Variants in SEMA6D observed in about 807,000 individuals in gnomAD.
SEMA6D encodes semaphorin-6D.
In SEMA6D, 35 loss-of-function variants were observed where a neutral mutation model predicts 106.6. The ratio of observed to expected loss-of-function variants is 0.33; its 90% CI spans 0.25 to 0.44. The LOEUF (loss-of-function observed/expected upper bound fraction) is 0.44, where lower values mean the gene tolerates loss of function less well. Ranked by LOEUF, SEMA6D falls within the 20% of genes least tolerant of loss-of-function variation. The pLI is 1.00. For synonymous variants in SEMA6D, 499 were observed against 487.7 expected (o/e 1.02, Z -0.31); for missense variants, 1,185 against 1,345.9 (o/e 0.88, Z 1.87).
intron 1 of SEMA6D, among the ~76,000 whole-genome samples, chr15:47,377,208 G>A (rs898710435): frequency 1.8e-4 from 28 of 152,140 alleles, no homozygotes; most frequent in African/African-American, 6.0e-4. Context: ...TTTCCATTTA[G>A]CATGGATTTT....
intron 1 of SEMA6D, among the ~76,000 whole-genome samples, chr15:47,320,588 A>G (rs1355777239): frequency 6.6e-6 from 1 of 152,102 alleles, no homozygotes; most frequent in African/African-American, 2.4e-5. Context: ...TATGCACCAT[A>G]TACTACAGAT....
chr15:47,285,558 C>T (rs2035325257), intron 1 of SEMA6D, among the ~76,000 whole-genome samples: 1 of 151,918 alleles, frequency 6.6e-6, no homozygotes, highest in Non-Finnish European at 1.5e-5. Flanking sequence ...TCTCCTGAAA[C>T]CCCTGTTGTT....
chr15:47,675,733 C>T (rs972527058), intron 4 of SEMA6D, among the ~76,000 whole-genome samples: 15 of 152,316 alleles, frequency 9.8e-5, no homozygotes, highest in Middle Eastern at 3.4e-3. Context: ...CAGAGCTCAA[C>T]TTCCTTCTGT....
chr15:47,507,546 C>T lies in SEMA6D; in HGVS notation c.-87+37001C>T, dbSNP rs376173036. Among the ~76,000 whole-genome samples, 4 of 152,156 alleles carry T rather than the reference C, an allele frequency of 2.6e-5. No homozygotes were observed. In the East Asian group the frequency reaches 7.7e-4, roughly 29 times the overall value. On this transcript the variant is annotated intron_variant, in intron 3 of 19. Coordinates refer to the SEMA6D transcript ENST00000558014. ...GGCATGCCTACGGAGGAGTATTTAT[C>T]ATAAAGGAAGAAAACAGTAATAGCC... is the stretch of plus-strand genomic sequence containing the variant.
intron 3 of SEMA6D, among the ~76,000 whole-genome samples, chr15:47,580,706 A>G (rs139268437): frequency 5.7e-4 from 87 of 152,350 alleles, no homozygotes; most frequent in Non-Finnish European, 9.3e-4. Context: ...GAATATGGCA[A>G]TGAGTAAAAC....
At chr15:47,384,814 GTTTTTTTTTTTTTTTT>G (rs1168068495) in intron 1 of SEMA6D, among the ~76,000 whole-genome samples, 6 of 65,696 alleles carry the variant, frequency 9.1e-5, no homozygotes, top group Admixed American at 2.3e-4. Flanking sequence ...GATTACTAAA[GTTTTTTTTTTTTTTTT>G]TTTTTTTTTT....
intron 2 of SEMA6D, among the ~76,000 whole-genome samples, chr15:47,438,456 C>T (rs369305352): frequency 5.3e-5 from 8 of 152,198 alleles, no homozygotes; most frequent in African/African-American, 1.9e-4. Context: ...AGCCAACATC[C>T]GTGTAACAGC....
intron 1 of SEMA6D, among the ~76,000 whole-genome samples, chr15:47,207,147 C>T (rs978180860): frequency 2.0e-5 from 3 of 152,026 alleles, no homozygotes; most frequent in Non-Finnish European, 2.9e-5. Flanking sequence ...AGGGAGCCAG[C>T]CTTGAAAGAA....
intron 1 of SEMA6D, among the ~76,000 whole-genome samples, chr15:47,225,623 G>C (rs2141440800): frequency 6.9e-6 from 1 of 145,256 alleles, no homozygotes; most frequent in East Asian, 2.0e-4. Flanking sequence ...CACCTCCCAG[G>C]TTCAAGTGAT....
intron 4 of SEMA6D, among the ~76,000 whole-genome samples, chr15:47,653,159 A>C (rs2077725285): frequency 6.6e-6 from 1 of 152,202 alleles, no homozygotes; most frequent in Non-Finnish European, 1.5e-5. Flanking sequence ...AGAGAAGATC[A>C]GTTTGCAAGG....
chr15:47,244,138 A>G (rs1444320936), intron 1 of SEMA6D, among the ~76,000 whole-genome samples: 3 of 152,056 alleles, frequency 2.0e-5, no homozygotes, highest in Non-Finnish European at 4.4e-5. Context: ...TGAACCTTGG[A>G]GGCACTTACC....
At chr15:47,241,214 A>G (rs886953032) in intron 1 of SEMA6D, 3 of 152,278 alleles carry the variant, frequency 2.0e-5, no homozygotes, top group Non-Finnish European at 4.4e-5. Flanking sequence ...CTTACTATTC[A>G]ATATTCCATT....
At chr15:47,481,514 G>A (rs993787293) in intron 3 of SEMA6D, among the ~76,000 whole-genome samples, 1 of 152,276 alleles carries the variant, frequency 6.6e-6, no homozygotes, top group East Asian at 1.9e-4. Context: ...GACCTTGACT[G>A]AGTGTTCCTA....
intron 3 of SEMA6D, among the ~76,000 whole-genome samples, chr15:47,540,271 A>G (rs2045314174): frequency 6.6e-6 from 1 of 152,200 alleles, no homozygotes; most frequent in South Asian, 2.1e-4. Flanking sequence ...ATTTGCCTGT[A>G]GCTTAGAAAG....
intron 1 of SEMA6D, among the ~76,000 whole-genome samples, chr15:47,249,471 C>G (rs1402249367): frequency 1.3e-5 from 2 of 151,432 alleles, no homozygotes. Flanking sequence ...GGTTCCTCAT[C>G]AACCACCCCC....
chr15:47,771,485 A>G lies in SEMA6D; in HGVS notation c.2922A>G (p.Ile974Met). 1 of 1,614,126 alleles carries G rather than the reference A, an allele frequency of 6.2e-7. No individual in the cohort carries two copies. Among genetic ancestry groups the G allele is most frequent in the Non-Finnish European group, 8.5e-7 (1 of 1,180,006 alleles). ...YHKNSSQRHS[I>M]SAMPKNLNSP... Reference sequence around the variant, plus strand: ...AAAATTCCTCCCAGAGGCACTCTATATCTGCTATGCCTAAAAACTTAAACT... The same window carrying G: ...AAAATTCCTCCCAGAGGCACTCTATGTCTGCTATGCCTAAAAACTTAAACT... The change falls in exon 19 of 19, where the codon ATA becomes ATG. Residue 974 changes from isoleucine to methionine, a missense_variant. Coordinates refer to ENST00000536845, the MANE Select transcript of SEMA6D (RefSeq NM_001358351.3).
intron 4 of SEMA6D, among the ~76,000 whole-genome samples, chr15:47,707,454 G>C (rs2078933832): frequency 2.0e-5 from 3 of 152,126 alleles, no homozygotes; most frequent in Admixed American, 2.0e-4. Context: ...AGGCTGAAAA[G>C]ATACCACTAA....
intron 4 of SEMA6D, among the ~76,000 whole-genome samples, chr15:47,708,925 A>AC (rs1468623677): frequency 7.2e-5 from 11 of 152,178 alleles, no homozygotes; most frequent in Admixed American, 7.2e-4. Context: ...CCCCTACCAC[A>AC]TAGTGCTCTA....
intron 3 of SEMA6D, among the ~76,000 whole-genome samples, chr15:47,471,925 TCTCTCTCACACACA>T (rs2042854518): frequency 7.8e-6 from 1 of 127,594 alleles, no homozygotes; most frequent in African/African-American, 3.5e-5. Flanking sequence ...TCTCTCTCTC[TCTCTCTCACACACA>T]CACACACACA....
Sources: allele counts gnomAD v4.1 joint callset (sites outside exome capture counted in the v4.1 genomes callset), GRCh38; gene constraint gnomAD v4.1.1; transcripts MANE v1.5; gene names NCBI Gene and HGNC (gene_info 2026-07-23, HGNC 2026-07-21).